SLC9A3: variants seen among roughly 807,000 people sequenced by gnomAD.
The protein encoded by SLC9A3 is solute carrier family 9 member A3, also known as sodium/hydrogen exchanger 3.
In SLC9A3, 37 loss-of-function variants were observed where a neutral mutation model predicts 86.8. The observed-to-expected ratio is 0.43, with a 90% CI of 0.33 to 0.56. SLC9A3 has a LOEUF of 0.56. Ranked by LOEUF, SLC9A3 falls within the 20% of genes least tolerant of loss-of-function variation. SLC9A3 has a pLI of 0.06. For synonymous variants in SLC9A3, 581 were observed against 528.3 expected, an observed-to-expected ratio of 1.10 and a Z score of -1.37; for missense variants, 1,011 against 1,171.9, an observed-to-expected ratio of 0.86 and a Z score of 2.00.
chr5:479,234 CAGGCCGGGG>C (rs1377944462), intron 10 of SLC9A3: 1 of 154,100 alleles, frequency 6.5e-6, no homozygotes, highest in Non-Finnish European at 1.4e-5. Flanking sequence ...GAGGTCAGGG[CAGGCCGGGG>C]AGGCTGAGGC....
chr5:479,346 G>T (rs915193781), intron 10 of SLC9A3: 34 of 160,270 alleles, frequency 2.1e-4, no homozygotes, highest in Admixed American at 5.9e-4. Flanking sequence ...GAGCAGTCAG[G>T]GGCTCTGCAG....
At chr5:500,105 C>A (rs997199723) in intron 1 of SLC9A3, among the ~76,000 whole-genome samples, 2 of 152,282 alleles carry the variant, frequency 1.3e-5, no homozygotes, top group African/African-American at 4.8e-5. Context: ...CTGCGGCAAC[C>A]CCGGCCCTGT....
intron 10 of SLC9A3, 168 bp downstream of exon 10, chr5:479,668 C>G (rs1201917436): frequency 1.9e-5 from 12 of 636,840 alleles, no homozygotes; most frequent in Non-Finnish European, 3.3e-5. Context: ...ACGAGAGCCC[C>G]TGGGATTCCC....
chr5:474,760 AG>A lies in SLC9A3; in HGVS notation c.2501+122del, dbSNP rs74216724. 16 of 67,952 alleles carry A rather than the reference AG, an allele frequency of 2.4e-4. 3 individuals carry two copies. The highest frequency in any genetic ancestry group is 1.0e-3 in the African/African-American group (1 of 996). 4.2% of individuals were successfully genotyped at this position (67,952 alleles called of 1,614,324 possible). ...CAGCGCGCGCGAGGCGGAGACCTGG[AG>A]GGAGAGGAGCTGCGGAGAGGGGTTA... On this transcript the variant is annotated intron_variant, in intron 16 of 16. Transcript: ENST00000264938.
rs141238439 is a variant in SLC9A3, at chr5:482,575, G to A, written c.1329C>T (p.Ile443=). The part of the protein sequence containing the change: ...EKNLFVSTTI[I]VVFFTVIFQG... ...GGAAGATGACGGTGAAGAACACTAC[G>A]ATGATGGTGGTGCTGACGAACAGGT... is the stretch of plus-strand genomic sequence containing the variant. The change falls in exon 7 of 17, where the codon ATC becomes ATT. Residue 443 remains isoleucine (I), a synonymous_variant. Coordinates refer to ENST00000264938, the MANE Select transcript of SLC9A3 (RefSeq NM_004174.4). 46 of 1,612,592 alleles carry A rather than the reference G, an allele frequency of 2.9e-5. No individual in the cohort carries two copies. The highest frequency in any genetic ancestry group is 2.7e-4 in the African/African-American group (20 of 74,900).
chr5:490,477 G>C (rs1739682348), intron 2 of SLC9A3, among the ~76,000 whole-genome samples: 1 of 152,346 alleles, frequency 6.6e-6, no homozygotes, highest in East Asian at 1.9e-4. Flanking sequence ...GGGAAATCCG[G>C]CAGTGTCTCT....
At chr5:479,723 G>T in intron 10 of SLC9A3, 113 bp downstream of exon 10, 1 of 1,101,558 alleles carries the variant, frequency 9.1e-7, no homozygotes, top group Non-Finnish European at 1.3e-6. Context: ...TGCTGGGGTG[G>T]GCCTGGCCTT....
Position 507,088 on chromosome 5 carries a change from AT to A in SLC9A3, c.212-15018del, listed in dbSNP as rs1363396648. Among the ~76,000 whole-genome samples, 51 of 137,782 alleles carry A rather than the reference AT, an allele frequency of 3.7e-4. 1 individual carries two copies. The highest frequency in any genetic ancestry group is 2.0e-3 in the South Asian group (9 of 4,468). 90.4% of individuals were successfully genotyped at this position (137,782 alleles called of 152,430 possible). ...TGATACTGTCTCAAAAAATAAATAA[AT>A]AAATAAATAAATAAATAAATAAATA... On this transcript the variant is annotated intron_variant, in intron 1 of 16. Coordinates refer to ENST00000264938, the MANE Select transcript of SLC9A3 (RefSeq NM_004174.4).
At position 477,312 on chromosome 5, in the gene SLC9A3, G is replaced by A; in HGVS notation, c.1760+20C>T. 2.0e-6 allele frequency: 3 copies of A among 1,534,392 alleles called. No individual in the cohort carries two copies. Among genetic ancestry groups the A allele is most frequent in the Non-Finnish European group, 2.7e-6 (3 of 1,116,496 alleles). On this transcript the variant is annotated intron_variant, in intron 11 of 16. Coordinates refer to ENST00000264938, the MANE Select transcript of SLC9A3 (RefSeq NM_004174.4). ...GGCTGGGCTCTTCCCCAGGGAAGCT[G>A]CATGACCATGGCCACATACAGGAGG...
intron 6 of SLC9A3, 69 bp from the exon 7 acceptor site, chr5:482,819 G>T: frequency 7.8e-7 from 1 of 1,286,892 alleles, no homozygotes; most frequent in Non-Finnish European, 1.1e-6. Flanking sequence ...AGCCCCTCCG[G>T]GACAGCGTCT....
At position 473,152 on chromosome 5, in the gene SLC9A3, C is replaced by CCCCCGGCGCAGGCCCCG. The variant is rs1738483982; in HGVS notation, c.*210_*226dup. Reference sequence around the variant, plus strand: ...GGCAGCCCTCGGCGCTCCGGCCCCGCCCCCGGCGCAGGCCCCGCCCCCGGC... The same window carrying CCCCCGGCGCAGGCCCCG: ...GGCAGCCCTCGGCGCTCCGGCCCCGCCCCCGGCGCAGGCCCCGCCCCGGCGCAGGCCCCGCCCCCGGC... On this transcript the variant is annotated 3_prime_UTR_variant, in exon 17 of 17. Coordinates refer to ENST00000264938, the MANE Select transcript of SLC9A3 (RefSeq NM_004174.4). 5.5e-6 allele frequency: 2 copies of CCCCCGGCGCAGGCCCCG among 365,596 alleles called. No individual in the cohort carries two copies. The highest frequency in any genetic ancestry group is 8.9e-6 in the Non-Finnish European group (2 of 223,712). 22.6% of individuals were successfully genotyped at this position (365,596 alleles called of 1,614,324 possible).
chr5:500,216 T>A (rs1449119002), intron 1 of SLC9A3, among the ~76,000 whole-genome samples: 1 of 152,144 alleles, frequency 6.6e-6, no homozygotes, highest in Non-Finnish European at 1.5e-5. Context: ...TGTGGGACCC[T>A]CCCGAGACGC....
At chr5:480,195 C>T (rs1739074757) in intron 9 of SLC9A3, 1 of 488,752 alleles carries the variant, frequency 2.0e-6, no homozygotes. Context: ...GCCGCCTCCT[C>T]CAGAGGGTGG....
At chr5:493,993 G>C (rs1419205255) in intron 1 of SLC9A3, among the ~76,000 whole-genome samples, 1 of 152,252 alleles carries the variant, frequency 6.6e-6, no homozygotes, top group Non-Finnish European at 1.5e-5. Context: ...GAGGGAGGCT[G>C]TCCCTGGGGA....
Position 507,025 on chromosome 5 carries a change from C to T in SLC9A3, c.212-14954G>A, listed in dbSNP as rs545374882. On this transcript the variant is annotated intron_variant, in intron 1 of 16. Transcript: ENST00000264938. ...GGTGGAGATTGTGGTGAGCCGAGAT[C>T]GAGATTGGGCCACTGCACTCCAGCC... 3.3e-5 allele frequency among the ~76,000 whole-genome samples: 5 copies of T among 149,498 alleles called. No individual in the cohort carries two copies. In the South Asian group the frequency reaches 8.5e-4, roughly 26 times the overall value.
At chr5:514,423 C>A (rs756724711) in intron 1 of SLC9A3, among the ~76,000 whole-genome samples, 1 of 152,238 alleles carries the variant, frequency 6.6e-6, no homozygotes, top group Admixed American at 6.5e-5. Context: ...GACCAGTGGC[C>A]GCTGGCTCCC....
chr5:497,294 C>G lies in SLC9A3; in HGVS notation c.212-5223G>C, dbSNP rs1004496981. 2.0e-5 allele frequency among the ~76,000 whole-genome samples: 3 copies of G among 152,228 alleles called. No individual in the cohort carries two copies. Among genetic ancestry groups the G allele is most frequent in the Admixed American group, 6.5e-5 (1 of 15,306 alleles). The stretch of plus-strand genomic sequence containing the variant: ...GCCTCGGGCGACACGGTGCACTGGC[C>G]GAATTCCCTCCAGGTGCAGGAGTCG... On this transcript the variant is annotated intron_variant, in intron 1 of 16. Transcript: ENST00000264938. The surrounding 1 kb of genome is among the most constrained non-coding windows in gnomAD (Gnocchi z 5.4).
intron 9 of SLC9A3, chr5:480,172 T>C (rs2126613601): frequency 3.7e-6 from 2 of 540,322 alleles, no homozygotes; most frequent in Non-Finnish European, 6.6e-6. Context: ...GTTAGACGCA[T>C]ATGAAACTGC....
Position 524,282 on chromosome 5 carries a change from A to C in SLC9A3, c.41T>G (p.Leu14Arg), listed in dbSNP as rs556861051. ...LGARGPDRGL[L>R]LALALGGLAR... ...CAGCCCGCCCAGCGCCAGCGCCAGC[A>C]GCAGCCCCCGGTCGGGGCCCCGGGC... The change falls in exon 1 of 17, where the codon CTG becomes CGG. Residue 14 changes from leucine to arginine, a missense_variant. Transcript: ENST00000264938. The C allele has an allele frequency of 2.3e-6, 3 of 1,331,634 alleles. No homozygotes were observed. The highest frequency in any genetic ancestry group is 2.9e-6 in the Non-Finnish European group (3 of 1,039,920). 82.5% of individuals were successfully genotyped at this position (1,331,634 alleles called of 1,614,324 possible). A position where few individuals can be genotyped will look rare whatever the true frequency, so the allele number is the denominator to read the frequency against.
Sources: allele counts gnomAD v4.1 joint callset (sites outside exome capture counted in the v4.1 genomes callset), GRCh38; gene constraint gnomAD v4.1.1; non-coding constraint Gnocchi (gnomAD v3.1); transcripts MANE v1.5; gene names NCBI Gene and HGNC (gene_info 2026-07-23, HGNC 2026-07-21).